AGTPBP1: variants seen among roughly 807,000 people sequenced by gnomAD.
AGTPBP1 encodes ATP/GTP binding carboxypeptidase 1.
A neutral mutation model predicts 143.9 loss-of-function variants in AGTPBP1; 70 were observed. The observed-to-expected ratio is 0.49, with a 90% CI of 0.40 to 0.59. AGTPBP1 has a LOEUF of 0.59. Among genes scored for constraint, AGTPBP1 ranks in the 20% least tolerant of loss-of-function variants. The pLI is 0.00. For synonymous variants in AGTPBP1, 463 were observed against 500.2 expected (o/e 0.93, Z 0.99); for missense variants, 1,229 against 1,464.5 (o/e 0.84, Z 2.62).
chr9:85,678,002 C>T (rs1232237531), intron 5 of AGTPBP1, among the ~76,000 whole-genome samples: 1 of 152,170 alleles, frequency 6.6e-6, no homozygotes, highest in Non-Finnish European at 1.5e-5. Flanking sequence ...AAAACTCCAT[C>T]TCAATCAATC....
intron 8 of AGTPBP1, among the ~76,000 whole-genome samples, chr9:85,669,211 CT>C (rs1469088668): frequency 6.6e-6 from 1 of 151,532 alleles, no homozygotes; most frequent in Non-Finnish European, 1.5e-5. Flanking sequence ...TATAGATAAT[CT>C]TTTTTCCTTT....
chr9:85,579,945 C>T (rs1374306700), intron 23 of AGTPBP1, among the ~76,000 whole-genome samples: 2 of 151,546 alleles, frequency 1.3e-5, no homozygotes, highest in Non-Finnish European at 2.9e-5. Context: ...TGGAACTGTA[C>T]TTTTAAAACT....
intron 2 of AGTPBP1, among the ~76,000 whole-genome samples, chr9:85,698,836 G>GT (rs755813311): frequency 6.6e-6 from 1 of 151,638 alleles, no homozygotes; most frequent in African/African-American, 2.4e-5. Context: ...GGGACTACAG[G>GT]CGCCTGCAAC....
chr9:85,570,036 AC>A (rs1564017927), intron 25 of AGTPBP1, among the ~76,000 whole-genome samples: 1 of 152,012 alleles, frequency 6.6e-6, no homozygotes, highest in Non-Finnish European at 1.5e-5. Flanking sequence ...CAAGACCAAG[AC>A]CCCTCTGTTC....
Position 85,589,681 on chromosome 9 carries a change from T to C in AGTPBP1, c.2569A>G (p.Met857Val), listed in dbSNP as rs143496498. The C allele has an allele frequency of 3.4e-5, 55 of 1,602,124 alleles. No homozygotes were observed. Among genetic ancestry groups the C allele is most frequent in the Non-Finnish European group, 4.3e-5 (51 of 1,176,320 alleles). ...GCTGATTCCAATTTTTGAAGATGCA[T>C]CTTGATAAAAATTTTAAAACAAAAT... ...HYPYTYSTLQ[M>V]HLQKLESAHN... Residue 857 changes from methionine to valine, a missense_variant and splice_region_variant, in exon 20 of 26, where the codon ATG becomes GTG. Around this residue, in one of 2 missense-constraint regions of AGTPBP1, gnomAD observed 486 missense variants for 652.3 expected, o/e 0.75. Transcript: ENST00000357081.
intron 14 of AGTPBP1, among the ~76,000 whole-genome samples, chr9:85,622,948 G>A (rs1266003023): frequency 5.9e-5 from 9 of 152,172 alleles, no homozygotes; most frequent in Non-Finnish European, 8.8e-5. Flanking sequence ...CCACAAATAT[G>A]TAAAAATTAA....
chr9:85,673,315 A>T (rs903623260), intron 6 of AGTPBP1, among the ~76,000 whole-genome samples: 2 of 152,164 alleles, frequency 1.3e-5, no homozygotes. Context: ...TCCACTACAC[A>T]TATACATTTG....
the AGTPBP1 span, among the ~76,000 whole-genome samples, chr9:85,766,135 A>AG: frequency 2.0e-5 from 3 of 152,082 alleles, no homozygotes; most frequent in African/African-American, 7.2e-5. Flanking sequence ...AGCCAAAAAA[A>AG]AAAAAACCCA....
intron 25 of AGTPBP1, among the ~76,000 whole-genome samples, chr9:85,547,828 C>T (rs1319574434): frequency 1.3e-5 from 2 of 152,178 alleles, no homozygotes; most frequent in South Asian, 2.1e-4. Context: ...GAACACTCTA[C>T]ACCCAGATTA....
chr9:85,746,002 T>A (rs551372209), upstream of AGTPBP1, among the ~76,000 whole-genome samples: 2 of 152,170 alleles, frequency 1.3e-5, no homozygotes. Flanking sequence ...GCAGCTCCAC[T>A]TCCCTTCTCT....
At chr9:85,735,700 C>T (rs10868341) in intron 1 of AGTPBP1, among the ~76,000 whole-genome samples, 13,114 of 151,924 alleles carry the variant, frequency 0.086, 1,250 homozygotes, top group East Asian at 0.55. Context: ...TCACCATGCA[C>T]CAAAAAGGAG....
At chr9:85,724,393 AT>A (rs1425078135) in intron 1 of AGTPBP1, among the ~76,000 whole-genome samples, 1 of 152,194 alleles carries the variant, frequency 6.6e-6, no homozygotes, top group African/African-American at 2.4e-5. Context: ...AACTTTGAAA[AT>A]TATCATTACT....
chr9:85,609,248 C>T (rs913830896), intron 17 of AGTPBP1, among the ~76,000 whole-genome samples: 20 of 150,902 alleles, frequency 1.3e-4, no homozygotes, highest in Admixed American at 1.1e-3. Flanking sequence ...AGTTTGTAAA[C>T]AGTAATAACC....
chr9:85,661,048 C>A, intron 8 of AGTPBP1, 75 bp from the exon 9 acceptor site: 1 of 1,245,450 alleles, frequency 8.0e-7, no homozygotes, highest in Non-Finnish European at 1.1e-6. Context: ...TTCATACAAT[C>A]TTTTTCAATA....
intron 25 of AGTPBP1, among the ~76,000 whole-genome samples, chr9:85,553,071 T>C (rs1826126484): frequency 6.6e-6 from 1 of 152,208 alleles, no homozygotes; most frequent in African/African-American, 2.4e-5. Context: ...GAGATAAATA[T>C]AGCATCTCCT....
chr9:85,694,197 G>A (rs1173528368), intron 2 of AGTPBP1, among the ~76,000 whole-genome samples: 2 of 152,104 alleles, frequency 1.3e-5, no homozygotes, highest in African/African-American at 2.4e-5. Context: ...CTATTTGGCT[G>A]GTACATTGAG....
chr9:85,583,385 G>A (rs1189945496), intron 23 of AGTPBP1, among the ~76,000 whole-genome samples: 1 of 152,072 alleles, frequency 6.6e-6, no homozygotes, highest in Non-Finnish European at 1.5e-5. Flanking sequence ...CCCTGGAAAT[G>A]TAAGAAGCTT....
chr9:85,728,369 A>T (rs763886639), intron 1 of AGTPBP1, among the ~76,000 whole-genome samples: 12 of 152,096 alleles, frequency 7.9e-5, no homozygotes, highest in Non-Finnish European at 1.5e-4. Context: ...CACTGATTAT[A>T]CACTTAAGAT....
At position 85,686,777 on chromosome 9, in the gene AGTPBP1, A is replaced by G. The variant is rs76701932; in HGVS notation, c.158-5442T>C. Among the ~76,000 whole-genome samples, 1,441 of 152,276 alleles carry G rather than the reference A, an allele frequency of 9.5e-3. 19 individuals carry two copies. Among genetic ancestry groups the G allele is most frequent in the African/African-American group, 0.032 (1,348 of 41,578 alleles). ...TAAAAAGATGCACATTTTAATCCCT[A>G]TAGGAACCACTAAGAAAAGAACTCC... is the stretch of plus-strand genomic sequence containing the variant. On this transcript the variant is annotated intron_variant, in intron 3 of 25. Coordinates refer to ENST00000357081, the MANE Select transcript of AGTPBP1 (RefSeq NM_001330701.2).
Sources: allele counts gnomAD v4.1 joint callset (sites outside exome capture counted in the v4.1 genomes callset), GRCh38; gene constraint gnomAD v4.1.1; regional missense constraint gnomAD v4.1.1; transcripts MANE v1.5; gene names NCBI Gene and HGNC (gene_info 2026-07-23, HGNC 2026-07-21).